BSN: variants seen among roughly 807,000 people sequenced by gnomAD.
BSN encodes protein bassoon.
In BSN, 57 loss-of-function variants were observed where a neutral mutation model predicts 264.8. That is an observed-to-expected ratio of 0.22 (90% CI 0.17 to 0.27). The LOEUF is 0.27. Among genes scored for constraint, BSN ranks in the 10% least tolerant of loss-of-function variants. The pLI, the probability that BSN is intolerant of heterozygous loss-of-function variation, is 1.00. For synonymous variants in BSN, 2,059 were observed against 2,137.3 expected (o/e 0.96, Z 1.01); for missense variants, 4,615 against 5,232.5 (o/e 0.88, Z 3.64).
rs1452986730 is a variant in BSN at position 49,661,335 on chromosome 3, A to G, written c.9490A>G (p.Ile3164Val). Residue 3164 changes from isoleucine to valine, a missense_variant, in exon 6 of 12, where the codon ATC becomes GTC. By Grantham distance (29) the Ile-to-Val change is conservative (BLOSUM62 3). Transcript: ENST00000296452. Reference protein sequence around the residue: ...EQKVPTNYEVIASPVVPMSSA... With the variant: ...EQKVPTNYEVVASPVVPMSSA... ...GAAGGTGCCCACCAACTATGAGGTG[A>G]TCGCCAGCCCCGTTGTGCCCATGTC... 2 of 1,613,968 alleles carry G rather than the reference A, an allele frequency of 1.2e-6. No homozygotes were observed. The highest frequency in any genetic ancestry group is 1.3e-5 in the African/African-American group (1 of 75,042).
chr3:49,614,275 G>A (rs1402759306), intron 1 of BSN, among the ~76,000 whole-genome samples: 2 of 151,830 alleles, frequency 1.3e-5, no homozygotes, highest in African/African-American at 4.8e-5. Flanking sequence ...TAGCCAGGAT[G>A]GTCTTGATCT....
At chr3:49,640,091 C>A (rs2052449183) in intron 2 of BSN, among the ~76,000 whole-genome samples, 1 of 152,234 alleles carries the variant, frequency 6.6e-6, no homozygotes, top group South Asian at 2.1e-4. Context: ...TGAGACGGCA[C>A]CTTCCCCTGG....
intron 1 of BSN, among the ~76,000 whole-genome samples, chr3:49,555,196 G>A (rs1360742048): frequency 6.6e-6 from 1 of 152,232 alleles, no homozygotes; most frequent in Non-Finnish European, 1.5e-5. Flanking sequence ...GTCTGCTGGT[G>A]TCTGCATGTG....
In BSN at chr3:49,656,599, C is replaced by A. The variant is rs2052604356; in HGVS notation, c.7043C>A (p.Ala2348Asp). The A allele has an allele frequency of 6.2e-7, 1 of 1,601,764 alleles. No homozygotes were observed. The highest frequency in any genetic ancestry group is 1.3e-5 in the African/African-American group (1 of 74,788). Residue 2348 changes from alanine (A) to aspartate (D), a missense_variant, in exon 5 of 12, where the codon GCC becomes GAC. By Grantham distance (126) the Ala-to-Asp change is moderately radical. This residue lies in a region of BSN where 3,415 missense variants were observed against 3,866.4 expected (regional missense o/e 0.88). Coordinates refer to ENST00000296452, the MANE Select transcript of BSN (RefSeq NM_003458.4). ...ADAAPGGGSG[A>D]LSRPGFEKEE... ...GCTGCTCCTGGGGGTGGCAGTGGGG[C>A]CCTCAGCCGGCCAGGGTTCGAGAAA...
Position 49,659,225 on chromosome 3 carries a change from G to T in BSN, c.8640+1029G>T, listed in dbSNP as rs548522286. 3.2e-4 allele frequency among the ~76,000 whole-genome samples: 48 copies of T among 152,248 alleles called. No homozygotes were observed. The South Asian group carries it at 9.5e-3, about 30-fold the overall frequency. On this transcript the variant is annotated intron_variant, in intron 5 of 11. Coordinates refer to ENST00000296452, the MANE Select transcript of BSN (RefSeq NM_003458.4). ...CTTGGTGTATGCAGGCCATATAGGG[G>T]TGTGGGTGGGATCAGGACTCTAGGC...
chr3:49,650,764 G>T lies in BSN; in HGVS notation c.1671G>T (p.Gly557=). The T allele has an allele frequency of 1.2e-6, 2 of 1,613,772 alleles. No homozygotes were observed. The highest frequency in any genetic ancestry group is 3.3e-5 in the Admixed American group (2 of 59,970). ...ASGTSPLKQK[G]PQGLGQPSGP... is the part of the protein sequence containing the mutation. Reference sequence around the variant, plus strand: ...GAACATCCCCTCTGAAGCAGAAAGGGCCACAGGGGCTGGGCCAGCCTTCAG... The same window carrying T: ...GAACATCCCCTCTGAAGCAGAAAGGTCCACAGGGGCTGGGCCAGCCTTCAG... The change falls in exon 4 of 12, where the codon GGG becomes GGT. Residue 557 remains glycine (G), a synonymous_variant. Coordinates refer to ENST00000296452, the MANE Select transcript of BSN (RefSeq NM_003458.4).
At chr3:49,582,915 C>G (rs2051905618) in intron 1 of BSN, among the ~76,000 whole-genome samples, 1 of 151,350 alleles carries the variant, frequency 6.6e-6, no homozygotes, top group African/African-American at 2.4e-5. Context: ...ATAGTTTCTT[C>G]CCTTCATTCC....
In BSN at chr3:49,652,553, G is replaced by A. The variant is rs2052552794; in HGVS notation, c.2997G>A (p.Leu999=). The change falls in exon 5 of 12, where the codon CTG becomes CTA. Residue 999 remains leucine (L), a synonymous_variant. Transcript: ENST00000296452. ...CCTCGGGCACCTCTCCCACCTCTCT[G>A]TCCTCCCTAGAGGAGGACAGTGACA... ...SYTSGTSPTS[L]SSLEEDSDSS... 1 of 1,613,422 alleles carries A rather than the reference G, an allele frequency of 6.2e-7. No homozygotes were observed. Among genetic ancestry groups the A allele is most frequent in the South Asian group, 1.1e-5 (1 of 91,080 alleles).
At chr3:49,606,635 A>T (rs564374725) in intron 1 of BSN, among the ~76,000 whole-genome samples, 2 of 151,912 alleles carry the variant, frequency 1.3e-5, no homozygotes, top group East Asian at 1.9e-4. Flanking sequence ...AAAGCCACAC[A>T]CTTGTGGTGC....
At chr3:49,575,868 G>C (rs989347933) in intron 1 of BSN, among the ~76,000 whole-genome samples, 3 of 151,604 alleles carry the variant, frequency 2.0e-5, no homozygotes, top group Non-Finnish European at 4.4e-5. Context: ...GAAGATTATA[G>C]GATCTTTTTA....
At position 49,661,211 on chromosome 3, in the gene BSN, A is replaced by G. The variant is rs199918380; in HGVS notation, c.9366A>G (p.Thr3122=). 1 of 1,613,388 alleles carries G rather than the reference A, an allele frequency of 6.2e-7. No homozygotes were observed. Among genetic ancestry groups the G allele is most frequent in the East Asian group, 2.2e-5 (1 of 44,874 alleles). ...FRPTGHYAGQ[T]PMPTTQSTLF... is the part of the protein sequence containing the mutation. ...CCACAGGCCACTATGCAGGCCAAAC[A>G]CCCATGCCAACCACACAGAGCACCC... Residue 3122 remains threonine, a synonymous_variant, in exon 6 of 12, where the codon ACA becomes ACG. Coordinates refer to ENST00000296452, the MANE Select transcript of BSN (RefSeq NM_003458.4).
In BSN at chr3:49,668,105, G is replaced by T. The variant is rs577805438; in HGVS notation, c.*620G>T. 1 of 152,658 alleles carries T rather than the reference G, an allele frequency of 6.6e-6. No individual in the cohort carries two copies. The allele number at this position is 152,658 out of a possible 1,614,324, so 9.5% of individuals were successfully genotyped here. On this transcript the variant is annotated 3_prime_UTR_variant, in exon 12 of 12. Transcript: ENST00000296452. ...CGGAGCAGACCTCCATGTGGCCAGG[G>T]GTTGGGAGAACTTTACAAACATTAG...
intron 1 of BSN, among the ~76,000 whole-genome samples, chr3:49,556,927 G>T (rs76895836): frequency 0.023 from 3,494 of 152,318 alleles, 316 homozygotes; most frequent in East Asian, 0.23. Flanking sequence ...ATAGAGGTGG[G>T]TAGAAGGCCA....
In BSN at chr3:49,663,312, C is replaced by G. The variant is rs767147625; in HGVS notation, c.11154C>G (p.Ala3718=). The change falls in exon 7 of 12, where the codon GCC becomes GCG. Residue 3718 remains alanine, a synonymous_variant. Coordinates refer to ENST00000296452, the MANE Select transcript of BSN (RefSeq NM_003458.4). The part of the protein sequence containing the change: ...PSRASSAYHH[A]SDSKKGSRQA... ...GTGCTTCATCCGCATACCATCATGC[C>G]TCTGACAGCAAGAAGGGCTCCCGGC... The G allele has an allele frequency of 1.9e-6, 3 of 1,614,062 alleles. No individual in the cohort carries two copies. In the Admixed American group the frequency reaches 5.0e-5, roughly 27 times the overall value.
chr3:49,617,277 AATACATTATATATATATATATAT>A (rs1457571539), intron 1 of BSN, among the ~76,000 whole-genome samples: 1,909 of 144,112 alleles, frequency 0.013, 43 homozygotes, highest in Non-Finnish European at 0.013. Flanking sequence ...TAAAAAATAA[AATACATTATATATATATATATAT>A]ATATATATAT....
chr3:49,566,013 C>T (rs1003484787), intron 1 of BSN, among the ~76,000 whole-genome samples: 6 of 152,038 alleles, frequency 3.9e-5, no homozygotes, highest in East Asian at 3.9e-4. Context: ...TTACTAGAGA[C>T]GGGGTTTTGC....
Position 49,654,165 on chromosome 3 carries a change from C to G in BSN, c.4609C>G (p.Pro1537Ala), listed in dbSNP as rs779709553. The G allele has an allele frequency of 1.2e-6, 2 of 1,614,072 alleles. No homozygotes were observed. The change falls in exon 5 of 12, where the codon CCA becomes GCA. Residue 1537 changes from proline (P) to alanine (A), a missense_variant. Transcript: ENST00000296452. This position sits in a 1 kb window ranked among gnomAD's most constrained non-coding sequence, Gnocchi z 4.1. ...SPMVAQGTQTPHRPSTPRLVW... is the reference protein window; with the variant it reads ...SPMVAQGTQTAHRPSTPRLVW... ...TATGGTAGCCCAGGGTACACAAACA[C>G]CACATCGACCCAGCACGCCTCGCCT... is the stretch of plus-strand genomic sequence containing the variant.
In BSN at chr3:49,661,745, G is replaced by A. The variant is rs939503874; in HGVS notation, c.9900G>A (p.Gly3300=). The part of the protein sequence containing the change: ...ESEEDSYDPR[G]KGGHLRSMES... ...AGGAGGACTCATACGATCCCCGCGG[G>A]AAGGGTGGCCACCTCCGGAGCATGG... Residue 3300 remains glycine (G), a synonymous_variant, in exon 6 of 12, where the codon GGG becomes GGA. Transcript: ENST00000296452. 1 of 1,613,338 alleles carries A rather than the reference G, an allele frequency of 6.2e-7. No homozygotes were observed. Among genetic ancestry groups the A allele is most frequent in the East Asian group, 2.2e-5 (1 of 44,888 alleles).
At chr3:49,602,491 G>T (rs1473067009) in intron 1 of BSN, among the ~76,000 whole-genome samples, 2 of 150,720 alleles carry the variant, frequency 1.3e-5, no homozygotes, top group East Asian at 3.9e-4. Flanking sequence ...TGTCTCCCAG[G>T]CTGGAGTGCA....
Sources: allele counts gnomAD v4.1 joint callset (sites outside exome capture counted in the v4.1 genomes callset), GRCh38; gene constraint gnomAD v4.1.1; regional missense constraint gnomAD v4.1.1; non-coding constraint Gnocchi (gnomAD v3.1); transcripts MANE v1.5; gene names NCBI Gene and HGNC (gene_info 2026-07-23, HGNC 2026-07-21).